The following KCNIP4 variants were observed in gnomAD, a reference collection of about 807,000 sequenced individuals.
The protein encoded by KCNIP4 is potassium voltage-gated channel interacting protein 4.
KCNIP4 carries 12 observed loss-of-function variants against 34.0 expected under a neutral mutation model. That is an observed-to-expected ratio of 0.35 (90% CI 0.23 to 0.57). KCNIP4 has a LOEUF of 0.57. KCNIP4 is among the 20% of genes least tolerant of loss of function. The pLI is 0.83. For missense variants in KCNIP4, 238 were observed against 311.7 expected, an observed-to-expected ratio of 0.76 and a Z score of 1.78; for synonymous variants, 124 against 102.2, an observed-to-expected ratio of 1.21 and a Z score of -1.29.
intron 1 of KCNIP4, among the ~76,000 whole-genome samples, chr4:21,279,516 C>T (rs998171331): frequency 7.2e-6 from 1 of 139,024 alleles, no homozygotes; most frequent in African/African-American, 2.6e-5. Context: ...CATACATATA[C>T]ACACACACAC....
chr4:21,873,727 G>C (rs774241364), intron 1 of KCNIP4, among the ~76,000 whole-genome samples: 4 of 152,040 alleles, frequency 2.6e-5, no homozygotes, highest in African/African-American at 4.8e-5. Context: ...AAAGCATCCC[G>C]GTTACAAAAT....
intron 1 of KCNIP4, among the ~76,000 whole-genome samples, chr4:21,039,087 C>T (rs148846058): frequency 0.019 from 2,884 of 152,168 alleles, 56 homozygotes; most frequent in Non-Finnish European, 0.026. Flanking sequence ...AGGCTGGGCG[C>T]GGTGGCTCAT....
At chr4:21,322,278 T>C (rs1265362576) in intron 1 of KCNIP4, among the ~76,000 whole-genome samples, 2 of 152,096 alleles carry the variant, frequency 1.3e-5, no homozygotes, top group Non-Finnish European at 2.9e-5. Flanking sequence ...TGAACATCTT[T>C]CCAGAAACCT....
At chr4:21,035,242 T>C (rs1209872816) in intron 1 of KCNIP4, among the ~76,000 whole-genome samples, 1 of 152,210 alleles carries the variant, frequency 6.6e-6, no homozygotes, top group Non-Finnish European at 1.5e-5. Context: ...TCAGAACTGC[T>C]AGTTTCTAAC....
chr4:20,795,799 G>A (rs1301654833), intron 3 of KCNIP4, among the ~76,000 whole-genome samples: 2 of 152,144 alleles, frequency 1.3e-5, no homozygotes, highest in Admixed American at 6.5e-5. Flanking sequence ...TCCACTGCAA[G>A]TGTCCAATAT....
At chr4:21,350,380 CA>C in intron 1 of KCNIP4, among the ~76,000 whole-genome samples, 1 of 152,240 alleles carries the variant, frequency 6.6e-6, no homozygotes, top group African/African-American at 2.4e-5. Context: ...TTGAGACCCC[CA>C]CCAGTGACTG....
intron 1 of KCNIP4, among the ~76,000 whole-genome samples, chr4:21,239,067 G>A (rs1759593811): frequency 2.6e-5 from 4 of 152,052 alleles, no homozygotes; most frequent in Admixed American, 2.0e-4. Flanking sequence ...CAGAAATAAT[G>A]CTGCATATCT....
intron 1 of KCNIP4, among the ~76,000 whole-genome samples, chr4:21,322,714 G>C (rs1439414339): frequency 1.3e-5 from 2 of 151,968 alleles, no homozygotes; most frequent in Non-Finnish European, 2.9e-5. Flanking sequence ...GAAGCAACTA[G>C]ATGCCAAACA....
At chr4:20,942,564 G>A (rs1277225483) in intron 1 of KCNIP4, among the ~76,000 whole-genome samples, 2 of 152,196 alleles carry the variant, frequency 1.3e-5, no homozygotes, top group Admixed American at 6.5e-5. Context: ...ATTATCCACA[G>A]TGCTCAGATA....
intron 1 of KCNIP4, among the ~76,000 whole-genome samples, chr4:21,837,532 C>CA (rs60449238): frequency 0.053 from 4,124 of 78,508 alleles, 327 homozygotes; most frequent in African/African-American, 0.17. Context: ...AAAACGCTGT[C>CA]AAAAAAAAAA....
chr4:21,116,647 G>A (rs1326032123), intron 1 of KCNIP4, among the ~76,000 whole-genome samples: 2 of 152,060 alleles, frequency 1.3e-5, no homozygotes, highest in Admixed American at 6.6e-5. Context: ...CCCAAGATTG[G>A]TTTTGTTATA....
chr4:21,375,597 C>A (rs1042466544), intron 1 of KCNIP4, among the ~76,000 whole-genome samples: 1 of 150,146 alleles, frequency 6.7e-6, no homozygotes, highest in African/African-American at 2.5e-5. Flanking sequence ...GACAGAGTCT[C>A]GCTCTGTCAC....
At chr4:20,980,501 G>A (rs1377005836) in intron 1 of KCNIP4, among the ~76,000 whole-genome samples, 2 of 152,048 alleles carry the variant, frequency 1.3e-5, no homozygotes, top group African/African-American at 2.4e-5. Context: ...CAAGACTATC[G>A]AAATTGGAAA....
chr4:21,113,133 A>G (rs564474133), intron 1 of KCNIP4, among the ~76,000 whole-genome samples: 10 of 152,240 alleles, frequency 6.6e-5, no homozygotes, highest in Non-Finnish European at 1.3e-4. Context: ...CAGAGAAGCT[A>G]CAATTACAGC....
intron 1 of KCNIP4, among the ~76,000 whole-genome samples, chr4:21,140,874 G>C (rs2109208680): frequency 6.6e-6 from 1 of 152,244 alleles, no homozygotes; most frequent in Admixed American, 6.5e-5. Context: ...TCTTCATGAA[G>C]CCCTCCCTGT....
intron 1 of KCNIP4, among the ~76,000 whole-genome samples, chr4:21,435,067 A>G (rs1726830195): frequency 6.6e-6 from 1 of 152,234 alleles, no homozygotes; most frequent in African/African-American, 2.4e-5. Context: ...ATTCTACAGC[A>G]TCATTGAAAA....
chr4:21,668,148 G>A (rs989894213), intron 1 of KCNIP4, among the ~76,000 whole-genome samples: 9 of 152,190 alleles, frequency 5.9e-5, no homozygotes, highest in East Asian at 3.9e-4. Flanking sequence ...ACCAAACACC[G>A]CATGTTCTCA....
chr4:21,234,155 A>G lies in KCNIP4; in HGVS notation c.62-351446T>C, dbSNP rs1295374942. Among the ~76,000 whole-genome samples, 5 of 97,048 alleles carry G rather than the reference A, an allele frequency of 5.2e-5. No homozygotes were observed. The East Asian group carries it at 1.3e-3, about 25-fold the overall frequency. The allele number at this position is 97,048 out of a possible 152,430, so 63.7% of individuals were successfully genotyped here. A position where few individuals can be genotyped will look rare whatever the true frequency, so the allele number is the denominator to read the frequency against. ...ATAACGTATATTATATATAACATAT[A>G]TAACGTATATTATATATAACATATA... On this transcript the variant is annotated intron_variant, in intron 1 of 8. Coordinates refer to ENST00000382152, the MANE Select transcript of KCNIP4 (RefSeq NM_025221.6).
At chr4:21,920,592 C>A (rs1011667279) in intron 1 of KCNIP4, among the ~76,000 whole-genome samples, 3 of 152,110 alleles carry the variant, frequency 2.0e-5, no homozygotes, top group Non-Finnish European at 4.4e-5. Context: ...AACCAAAAAT[C>A]ACCTGTACCC....
Sources: gnomAD v4.1 joint callset for allele counts (sites outside exome capture counted in the v4.1 genomes callset) on GRCh38, gnomAD v4.1.1 for gene constraint, MANE v1.5 for transcripts, NCBI Gene and HGNC (gene_info 2026-07-23, HGNC 2026-07-21) for gene names.